Variants in TNFSF14 observed in about 807,000 individuals in gnomAD.
TNFSF14 encodes tumor necrosis factor ligand superfamily member 14.
Under a neutral mutation model 22.7 loss-of-function variants are expected in TNFSF14, and 15 were observed. The ratio of observed to expected loss-of-function variants is 0.66; its 90% CI spans 0.44 to 1.02. The LOEUF (loss-of-function observed/expected upper bound fraction) is 1.02, where lower values mean the gene tolerates loss of function less well. TNFSF14 is among the 50% of genes least tolerant of loss of function. TNFSF14 has a pLI of 0.00. For synonymous variants in TNFSF14, 133 were observed against 139.6 expected (o/e 0.95, Z 0.33); for missense variants, 287 against 326.2 (o/e 0.88, Z 0.93).
At position 6,665,132 on chromosome 19, in the gene TNFSF14, A is replaced by G; in HGVS notation, c.517T>C (p.Tyr173His). The G allele has an allele frequency of 6.2e-7, 1 of 1,613,990 alleles. No individual in the cohort carries two copies. Among genetic ancestry groups the G allele is most frequent in the Non-Finnish European group, 8.5e-7 (1 of 1,179,930 alleles). ...THGLYKRTPR[Y>H]PEELELLVSQ... is the part of the protein sequence containing the mutation. ...ACCAACAGCTCCAGCTCCTCGGGGTAGCGGGGTGTGCGCTTGTAGAGGCCG... is the reference window on the plus strand; with the variant it reads ...ACCAACAGCTCCAGCTCCTCGGGGTGGCGGGGTGTGCGCTTGTAGAGGCCG... Residue 173 changes from tyrosine to histidine, a missense_variant, in exon 4 of 4, where the codon TAC becomes CAC. Physicochemically the swap from Tyr to His is moderately conservative, Grantham distance 83. Transcript: ENST00000675206.
chr19:6,665,782 T>C (rs1014077220), intron 3 of TNFSF14, among the ~76,000 whole-genome samples: 13 of 130,620 alleles, frequency 1.0e-4, no homozygotes, highest in Non-Finnish European at 2.1e-4. Context: ...TGTGCATGTG[T>C]GCGTGTGTGT....
intron 1 of TNFSF14, among the ~76,000 whole-genome samples, 179 bp from the exon 2 acceptor site, chr19:6,667,628 A>C (rs561894474): frequency 3.4e-4 from 52 of 152,104 alleles, no homozygotes; most frequent in African/African-American, 1.2e-3. Flanking sequence ...CCTCACAACC[A>C]CTTGGTGCCT....
chr19:6,667,015 C>A, intron 3 of TNFSF14, 98 bp downstream of exon 3: 2 of 1,336,380 alleles, frequency 1.5e-6, no homozygotes. Context: ...AGTAAATAAG[C>A]AATGAATGAA....
At position 6,664,889 on chromosome 19, in the gene TNFSF14, G is replaced by GT; in HGVS notation, c.*36dup. 6.5e-7 allele frequency: 1 copy of GT among 1,539,832 alleles called. No homozygotes were observed. The highest frequency in any genetic ancestry group is 8.8e-7 in the Non-Finnish European group (1 of 1,138,814). On this transcript the variant is annotated 3_prime_UTR_variant, in exon 4 of 4. Transcript: ENST00000675206. This position sits in a 1 kb window ranked among gnomAD's most constrained non-coding sequence, Gnocchi z 4.7. The stretch of plus-strand genomic sequence containing the variant: ...CTGAGGCACCCTCTGAGTTCTCCAC[G>GT]TGTCAGACCCATGTCCAATGCACCA...
upstream of TNFSF14, chr19:6,670,235 T>TTCC: frequency 7.0e-7 from 1 of 1,433,774 alleles, no homozygotes; most frequent in South Asian, 1.4e-5. Flanking sequence ...CCTCCTCTTC[T>TTCC]TCCGGTACCC....
rs1443687921 is a variant in TNFSF14 at position 6,667,402 on chromosome 19, C to T, written c.256+11G>A. ...CACACCTCCTTCCCTGGGGCCAGGA[C>T]CCTGACTCACCTTGTATCAGCTGCT... is the stretch of plus-strand genomic sequence containing the variant. On this transcript the variant is annotated intron_variant, in intron 2 of 3. Coordinates refer to ENST00000675206, the MANE Select transcript of TNFSF14 (RefSeq NM_001376887.1). The T allele has an allele frequency of 1.3e-6, 2 of 1,542,810 alleles. No homozygotes were observed. Among genetic ancestry groups the T allele is most frequent in the South Asian group, 1.2e-5 (1 of 80,838 alleles).
Position 6,664,981 on chromosome 19 carries a change from C to A in TNFSF14, c.668G>T (p.Arg223Leu). Residue 223 changes from arginine to leucine, a missense_variant, in exon 4 of 4, where the codon CGC becomes CTC. Physicochemically the swap from Arg to Leu is moderately radical, Grantham distance 102 (BLOSUM62 -2). Transcript: ENST00000675206. This position sits in a 1 kb window ranked among gnomAD's most constrained non-coding sequence, Gnocchi z 4.7. ...EKVVVRVLDE[R>L]LVRLRDGTRS... Reference sequence around the variant, plus strand: ...GGTACCATCACGCAGTCGAACCAGGCGTTCATCCAGCACACGGACGACCAC... The same window carrying A: ...GGTACCATCACGCAGTCGAACCAGGAGTTCATCCAGCACACGGACGACCAC... 1 of 1,612,224 alleles carries A rather than the reference C, an allele frequency of 6.2e-7. No individual in the cohort carries two copies. Among genetic ancestry groups the A allele is most frequent in the Non-Finnish European group, 8.5e-7 (1 of 1,178,606 alleles).
intron 2 of TNFSF14, 36 bp from the exon 3 acceptor site, chr19:6,667,190 A>G: frequency 6.5e-7 from 1 of 1,533,960 alleles, no homozygotes; most frequent in East Asian, 2.5e-5. Flanking sequence ...AGACGAAGAC[A>G]GTGGAGGTAA....
chr19:6,667,685 G>A (rs541311689), intron 1 of TNFSF14, among the ~76,000 whole-genome samples: 2 of 152,306 alleles, frequency 1.3e-5, no homozygotes, highest in South Asian at 2.1e-4. Context: ...TCTGCTTGGC[G>A]TTTAATGAAT....
At chr19:6,669,801 G>C (rs1917545024) in intron 1 of TNFSF14, 50 bp downstream of exon 1, 2 of 1,595,292 alleles carry the variant, frequency 1.3e-6, no homozygotes. Flanking sequence ...CAATGACACA[G>C]GGGAGCCCCC....
intron 1 of TNFSF14, 98 bp downstream of exon 1, chr19:6,669,752 AC>A: frequency 1.3e-6 from 2 of 1,507,670 alleles, no homozygotes; most frequent in South Asian, 2.5e-5. Context: ...ACACACACAC[AC>A]ACACACACAC....
intron 3 of TNFSF14, among the ~76,000 whole-genome samples, chr19:6,666,212 A>G (rs1363528092): frequency 1.3e-5 from 2 of 151,630 alleles, no homozygotes; most frequent in Admixed American, 1.3e-4. Flanking sequence ...TTCCAGATGA[A>G]GTAACATAGG....
At chr19:6,666,117 G>A (rs931095709) in intron 3 of TNFSF14, among the ~76,000 whole-genome samples, 1 of 152,088 alleles carries the variant, frequency 6.6e-6, no homozygotes, top group African/African-American at 2.4e-5. Context: ...ACTTGGCTGG[G>A]TGTGGCGTCT....
chr19:6,669,753 C>CAA, intron 1 of TNFSF14, 98 bp downstream of exon 1: 2 of 1,513,880 alleles, frequency 1.3e-6, no homozygotes, highest in Non-Finnish European at 1.8e-6. Context: ...CACACACACA[C>CAA]ACACACACAC....
rs576187867 is a variant in TNFSF14, at chr19:6,663,344, TTG to T, written c.*1580_*1581del. ...ATTGTGATGTTGTGTGTGTGTAATG[TTG>T]TGTTTGTCATTGTGATGTGTGTGTA... On this transcript the variant is annotated 3_prime_UTR_variant, in exon 4 of 4. Coordinates refer to ENST00000675206, the MANE Select transcript of TNFSF14 (RefSeq NM_001376887.1). The T allele has an allele frequency of 1.5e-3, 143 of 97,744 alleles. No individual in the cohort carries two copies. The highest frequency in any genetic ancestry group is 2.6e-3 in the Non-Finnish European group (99 of 38,176). 6.1% of individuals were successfully genotyped at this position (97,744 alleles called of 1,614,324 possible). A position where few individuals can be genotyped will look rare whatever the true frequency, so the allele number is the denominator to read the frequency against.
rs1329306187 is a variant in TNFSF14 at position 6,664,299 on chromosome 19, C to T, written c.*627G>A. On this transcript the variant is annotated 3_prime_UTR_variant, in exon 4 of 4. Coordinates refer to ENST00000675206, the MANE Select transcript of TNFSF14 (RefSeq NM_001376887.1). This position sits in a 1 kb window ranked among gnomAD's most constrained non-coding sequence, Gnocchi z 4.7. ...CAAAAGCATAAATACCCACCCCTCA[C>T]CCCTTCTTCCTGAATATCAGGCAAA... 2.6e-5 allele frequency: 4 copies of T among 152,208 alleles called. No individual in the cohort carries two copies. The highest frequency in any genetic ancestry group is 5.9e-5 in the Non-Finnish European group (4 of 68,054). The allele number at this position is 152,208 out of a possible 1,614,324, so 9.4% of individuals were successfully genotyped here. A position where few individuals can be genotyped will look rare whatever the true frequency, so the allele number is the denominator to read the frequency against.
intron 1 of TNFSF14, among the ~76,000 whole-genome samples, chr19:6,668,913 G>A (rs976856664): frequency 2.6e-5 from 4 of 152,232 alleles, no homozygotes; most frequent in Admixed American, 2.0e-4. Context: ...GACAGACAAC[G>A]TGAATACACC....
intron 1 of TNFSF14, among the ~76,000 whole-genome samples, chr19:6,667,762 C>T (rs150685363): frequency 8.5e-5 from 13 of 152,322 alleles, no homozygotes; most frequent in Admixed American, 3.9e-4. Context: ...TTTAATAGGT[C>T]GGGTGCATTG....
In TNFSF14 at chr19:6,661,789, T is replaced by A. The variant is rs1317119016; in HGVS notation, c.*3137A>T. The stretch of plus-strand genomic sequence containing the variant: ...ACCATCCTTCCTGACTCTGAATTTA[T>A]ATACTACTAACCAGCAATCATTTTC... On this transcript the variant is annotated 3_prime_UTR_variant, in exon 4 of 4. Coordinates refer to ENST00000675206, the MANE Select transcript of TNFSF14 (RefSeq NM_001376887.1). 1 of 152,254 alleles carries A rather than the reference T, an allele frequency of 6.6e-6. No individual in the cohort carries two copies. Among genetic ancestry groups the A allele is most frequent in the East Asian group, 1.9e-4 (1 of 5,204 alleles). 9.4% of individuals were successfully genotyped at this position (152,254 alleles called of 1,614,324 possible). A position where few individuals can be genotyped will look rare whatever the true frequency, so the allele number is the denominator to read the frequency against.
Sources: allele counts gnomAD v4.1 joint callset (sites outside exome capture counted in the v4.1 genomes callset), GRCh38; gene constraint gnomAD v4.1.1; non-coding constraint Gnocchi (gnomAD v3.1); transcripts MANE v1.5; gene names NCBI Gene and HGNC (gene_info 2026-07-23, HGNC 2026-07-21).